Variants in AP1G1 observed in about 807,000 individuals in gnomAD.
The protein encoded by AP1G1 is AP-1 complex subunit gamma-1.
AP1G1 carries 7 observed loss-of-function variants against 108.3 expected under a neutral mutation model. The ratio of observed to expected loss-of-function variants is 0.06; its 90% CI spans 0.04 to 0.12. AP1G1 has a LOEUF of 0.12. Ranked by LOEUF, AP1G1 falls within the 10% of genes least tolerant of loss-of-function variation. AP1G1 has a pLI of 1.00. For missense variants in AP1G1, 756 were observed against 1,010.7 expected (o/e 0.75, Z 3.42); for synonymous variants, 379 against 353.5 (o/e 1.07, Z -0.81).
intron 13 of AP1G1, 86 bp from the exon 14 acceptor site, chr16:71,750,418 T>G: frequency 2.0e-6 from 3 of 1,529,704 alleles, no homozygotes; most frequent in Non-Finnish European, 2.7e-6. Context: ...TGTGTGTTTT[T>G]TCCTTTCTTT....
rs932301208 is a variant in AP1G1 at position 71,732,958 on chromosome 16, T to C, written c.*100A>G. 3 of 880,098 alleles carry C rather than the reference T, an allele frequency of 3.4e-6. No homozygotes were observed. The African/African-American group carries it at 5.0e-5, about 15-fold the overall frequency. 54.5% of individuals were successfully genotyped at this position (880,098 alleles called of 1,614,324 possible). On this transcript the variant is annotated 3_prime_UTR_variant, in exon 23 of 23. Coordinates refer to ENST00000299980, the MANE Select transcript of AP1G1 (RefSeq NM_001128.6). ...CTCAGCAGTTCTCTTCAGCTCCTCA[T>C]GCCCGTGGTACAGTTGGGGGGGACT...
Position 71,731,101 on chromosome 16 carries a change from G to A in AP1G1, c.*1957C>T, listed in dbSNP as rs1209163551. On this transcript the variant is annotated 3_prime_UTR_variant, in exon 23 of 23. Transcript: ENST00000299980. ...TCACAGCATTAAGTATCCATCCAAT[G>A]AAATCAGTCTGCAAAGAAACCCTTA... 2 of 152,580 alleles carry A rather than the reference G, an allele frequency of 1.3e-5. No individual in the cohort carries two copies. The highest frequency in any genetic ancestry group is 2.9e-5 in the Non-Finnish European group (2 of 68,036). The allele number at this position is 152,580 out of a possible 1,614,324, so 9.5% of individuals were successfully genotyped here. A position where few individuals can be genotyped will look rare whatever the true frequency, so the allele number is the denominator to read the frequency against.
chr16:71,750,113 C>CA (rs2030406355), intron 14 of AP1G1, 97 bp downstream of exon 14: 1 of 1,509,024 alleles, frequency 6.6e-7, no homozygotes, highest in Non-Finnish European at 9.1e-7. Context: ...AAAGACATAC[C>CA]AAAGGGGAGA....
rs1208480824 is a variant in AP1G1 at position 71,739,255 on chromosome 16, G to C, written c.2086C>G (p.Leu696Val). 3 of 1,613,632 alleles carry C rather than the reference G, an allele frequency of 1.9e-6. No individual in the cohort carries two copies. Among genetic ancestry groups the C allele is most frequent in the Non-Finnish European group, 2.5e-6 (3 of 1,179,894 alleles). ...FLLDGLSSQP[L>V]FNDIAAGIPS... ...GTACCTGCAGCAATATCATTGAAGAGAGGCTGTGATGAAAGCCCATCCAAC... is the reference window on the plus strand; with the variant it reads ...GTACCTGCAGCAATATCATTGAAGACAGGCTGTGATGAAAGCCCATCCAAC... The change falls in exon 20 of 23, where the codon CTC becomes GTC. Residue 696 changes from leucine (L) to valine (V), a missense_variant. Around this residue, in one of 3 missense-constraint regions of AP1G1, gnomAD observed 95 missense variants for 160.5 expected, o/e 0.59. Transcript: ENST00000299980.
At chr16:71,779,990 T>G (rs1469726087) in intron 2 of AP1G1, among the ~76,000 whole-genome samples, 1 of 147,820 alleles carries the variant, frequency 6.8e-6, no homozygotes, top group Non-Finnish European at 1.5e-5. Flanking sequence ...TTTCAGTTTT[T>G]TTTTGTTTTT....
Position 71,773,216 on chromosome 16 carries a change from G to A in AP1G1, c.468+5C>T, listed in dbSNP as rs777179061. On this transcript the variant is annotated splice_donor_5th_base_variant and intron_variant, in intron 4 of 22. Coordinates refer to ENST00000299980, the MANE Select transcript of AP1G1 (RefSeq NM_001128.6). ...CAAACAGACATTTGGTTCATTAAAA[G>A]TTACCTTTTTTCTTAAGTAAGAGTT... 1 of 1,612,844 alleles carries A rather than the reference G, an allele frequency of 6.2e-7. No homozygotes were observed. Among genetic ancestry groups the A allele is most frequent in the Admixed American group, 1.7e-5 (1 of 59,920 alleles).
chr16:71,774,413 A>T, intron 3 of AP1G1, 55 bp downstream of exon 3: 1 of 1,566,556 alleles, frequency 6.4e-7, no homozygotes. Flanking sequence ...CAAAGAAAAT[A>T]CAAAAAAGAA....
chr16:71,744,645 G>T (rs536163553), intron 19 of AP1G1, among the ~76,000 whole-genome samples: 1 of 138,136 alleles, frequency 7.2e-6, no homozygotes, highest in African/African-American at 2.7e-5. Context: ...GCGCGATCTC[G>T]GCTCACTGCA....
At chr16:71,801,033 G>A (rs186940620) in intron 1 of AP1G1, among the ~76,000 whole-genome samples, 8 of 152,054 alleles carry the variant, frequency 5.3e-5, no homozygotes, top group East Asian at 1.9e-4. Flanking sequence ...TTGGCTGGGC[G>A]CGGTGGCTCA....
At chr16:71,744,499 G>A (rs1423288629) in intron 19 of AP1G1, among the ~76,000 whole-genome samples, 1 of 150,698 alleles carries the variant, frequency 6.6e-6, no homozygotes. Flanking sequence ...GAACCAAGAA[G>A]AAGTCATGTC....
At chr16:71,749,063 C>A (rs1355585976) in intron 15 of AP1G1, among the ~76,000 whole-genome samples, 3 of 152,058 alleles carry the variant, frequency 2.0e-5, no homozygotes, top group Non-Finnish European at 2.9e-5. Flanking sequence ...CCTGCCACCA[C>A]GCCCGGCCAA....
In AP1G1 at chr16:71,789,495, A is replaced by G; in HGVS notation, c.-3-13T>C. 2.5e-6 allele frequency: 4 copies of G among 1,612,772 alleles called. No individual in the cohort carries two copies. Among genetic ancestry groups the G allele is most frequent in the Non-Finnish European group, 3.4e-6 (4 of 1,178,856 alleles). ...GGGCTGGCATCCTCTGGATATGGAA[A>G]GACATTAAATAGAGATGTTCACATT... is the stretch of plus-strand genomic sequence containing the variant. On this transcript the variant is annotated splice_polypyrimidine_tract_variant and intron_variant, in intron 1 of 22. Transcript: ENST00000299980.
At chr16:71,796,727 G>A (rs946038387) in intron 1 of AP1G1, among the ~76,000 whole-genome samples, 21 of 152,098 alleles carry the variant, frequency 1.4e-4, no homozygotes, top group African/African-American at 5.1e-4. Flanking sequence ...GAGGACTTAA[G>A]TTCAATTCTC....
At chr16:71,762,627 C>G (rs1017937993) in intron 9 of AP1G1, among the ~76,000 whole-genome samples, 1 of 152,218 alleles carries the variant, frequency 6.6e-6, no homozygotes, top group Non-Finnish European at 1.5e-5. Flanking sequence ...TTCCAGATAG[C>G]TGAACATGTG....
intron 15 of AP1G1, among the ~76,000 whole-genome samples, chr16:71,748,799 G>A (rs541783432): frequency 7.9e-5 from 12 of 152,270 alleles, no homozygotes; most frequent in Non-Finnish European, 1.6e-4. Flanking sequence ...CAGCCAGAGG[G>A]TAAGAGAAAC....
intron 2 of AP1G1, among the ~76,000 whole-genome samples, chr16:71,778,677 T>G (rs1238216656): frequency 2.5e-5 from 2 of 80,532 alleles, no homozygotes; most frequent in African/African-American, 9.8e-5. Flanking sequence ...ATTGAGATTC[T>G]GTCTTAAAAA....
chr16:71,787,250 T>C (rs766498846), intron 2 of AP1G1, among the ~76,000 whole-genome samples: 2 of 136,990 alleles, frequency 1.5e-5, no homozygotes, highest in Non-Finnish European at 3.1e-5. Flanking sequence ...ACCCAGTAGG[T>C]GGAGGTTGAA....
chr16:71,793,048 G>T (rs2032461373), intron 1 of AP1G1, among the ~76,000 whole-genome samples: 1 of 151,716 alleles, frequency 6.6e-6, no homozygotes, highest in Admixed American at 6.6e-5. Context: ...ATGCACCTGT[G>T]GTCCCAGCTA....
intron 7 of AP1G1, among the ~76,000 whole-genome samples, 183 bp from the exon 8 acceptor site, chr16:71,764,909 T>C (rs1403535359): frequency 6.6e-6 from 1 of 152,228 alleles, no homozygotes; most frequent in Non-Finnish European, 1.5e-5. Context: ...AGAGAAGCTA[T>C]ATATGCTTCT....
Sources: allele counts gnomAD v4.1 joint callset (sites outside exome capture counted in the v4.1 genomes callset), GRCh38; gene constraint gnomAD v4.1.1; regional missense constraint gnomAD v4.1.1; transcripts MANE v1.5; gene names NCBI Gene and HGNC (gene_info 2026-07-23, HGNC 2026-07-21).